Variants in PFKFB3 observed in about 807,000 individuals in gnomAD.
PFKFB3 encodes 6-phosphofructo-2-kinase/fructose-2,6-biphosphatase 3, also known as 6-phosphofructo-2-kinase/fructose-2,6-bisphosphatase 3.
In PFKFB3, 33 loss-of-function variants were observed where a neutral mutation model predicts 68.0. That is an observed-to-expected ratio of 0.49 (90% CI 0.37 to 0.65). The LOEUF (loss-of-function observed/expected upper bound fraction) is 0.65. PFKFB3 is among the 30% of genes least tolerant of loss of function. The pLI, the probability that PFKFB3 is intolerant of heterozygous loss-of-function variation, is 0.00. For synonymous variants in PFKFB3, 315 were observed against 288.2 expected (o/e 1.09, Z -0.94); for missense variants, 586 against 712.2 (o/e 0.82, Z 2.02).
At chr10:6,254,463 G>C (rs1016436558) in exon 15 of PFKFB3, 1 of 397,930 alleles carries the variant, frequency 2.5e-6, no homozygotes, top group Non-Finnish European at 4.4e-6. Context: ...TCCCAGGTCA[G>C]TGTCAGTTGT....
chr10:6,226,821 C>T (rs944128049), intron 14 of PFKFB3, among the ~76,000 whole-genome samples: 1 of 152,252 alleles, frequency 6.6e-6, no homozygotes, highest in African/African-American at 2.4e-5. Context: ...CGCGGTGGCT[C>T]ACGCCTGTAA....
chr10:6,251,987 T>C (rs1365182640), intron 14 of PFKFB3, among the ~76,000 whole-genome samples: 1 of 151,036 alleles, frequency 6.6e-6, no homozygotes, highest in Non-Finnish European at 1.5e-5. Flanking sequence ...AATAAATAAA[T>C]AAAATAAAAT....
intron 14 of PFKFB3, among the ~76,000 whole-genome samples, chr10:6,244,834 A>C (rs898687657): frequency 6.6e-6 from 1 of 152,100 alleles, no homozygotes; most frequent in African/African-American, 2.4e-5. Context: ...TGAGAGGGAG[A>C]GTTCCTATTA....
chr10:6,185,163 T>C (rs1403599342), intron 1 of PFKFB3, among the ~76,000 whole-genome samples: 1 of 152,222 alleles, frequency 6.6e-6, no homozygotes, highest in African/African-American at 2.4e-5. Flanking sequence ...CTCTGTGGCC[T>C]TGAGACACAT....
intron 1 of PFKFB3, among the ~76,000 whole-genome samples, chr10:6,153,950 G>C (rs2131687226): frequency 6.6e-6 from 1 of 152,308 alleles, no homozygotes; most frequent in South Asian, 2.1e-4. Flanking sequence ...GACCAAGACT[G>C]AGGGGAGTGA....
chr10:6,314,891 T>A, the PFKFB3 span, among the ~76,000 whole-genome samples: 1 of 152,132 alleles, frequency 6.6e-6, no homozygotes, highest in African/African-American at 2.4e-5. Context: ...TTCTCTCCAC[T>A]CTGCATTTTT....
In PFKFB3 at chr10:6,180,064, C is replaced by T. The variant is rs1406980753; in HGVS notation, c.17-33559C>T. Among the ~76,000 whole-genome samples the T allele has an allele frequency of 2.0e-5, 3 of 151,990 alleles. No individual in the cohort carries two copies. The East Asian group carries it at 5.8e-4, about 29-fold the overall frequency. On this transcript the variant is annotated intron_variant, in intron 1 of 14. Transcript: ENST00000379789. ...ACCAGCTTTAAAAATGTGTGTGGGC[C>T]AGGCTCGGTGGCGCTCGCGTGTAAT...
At chr10:6,299,860 G>A in the PFKFB3 span, among the ~76,000 whole-genome samples, 1 of 151,202 alleles carries the variant, frequency 6.6e-6, no homozygotes, top group African/African-American at 2.4e-5. Flanking sequence ...TTAGCCCCTG[G>A]TTTGGAGCTC....
At chr10:6,165,770 C>G (rs577392422) in intron 1 of PFKFB3, among the ~76,000 whole-genome samples, 1 of 151,956 alleles carries the variant, frequency 6.6e-6, no homozygotes, top group Non-Finnish European at 1.5e-5. Flanking sequence ...ATTTCATCAC[C>G]TAGGTATAAG....
rs186673830 is a variant in PFKFB3 at position 6,254,321 on chromosome 10, A to C, written c.1659A>C (p.Arg553Ser). The change falls in exon 15 of 15, where the codon AGA becomes AGC. Residue 553 changes from arginine (R) to serine (S), a missense_variant. Arg to Ser is a moderately radical substitution (Grantham distance 110, BLOSUM62 -1). Coordinates refer to the PFKFB3 transcript ENST00000640683. The stretch of plus-strand genomic sequence containing the variant: ...CTGCACCAAGCATCCCGGAGCCCAG[A>C]CTGGTCTCGCTTCCTCACCTTTCTG... 407 of 398,578 alleles carry C rather than the reference A, an allele frequency of 1.0e-3. 4 individuals carry two copies. Among genetic ancestry groups the C allele is most frequent in the South Asian group, 1.1e-3 (9 of 7,860 alleles). The allele number at this position is 398,578 out of a possible 1,614,324, so 24.7% of individuals were successfully genotyped here.
chr10:6,302,373 T>A, the PFKFB3 span, among the ~76,000 whole-genome samples: 18 of 83,086 alleles, frequency 2.2e-4, no homozygotes, highest in African/African-American at 6.7e-4. Context: ...TTTTTTTTTT[T>A]TTTTTTTTTT....
chr10:6,320,851 T>G, the PFKFB3 span, among the ~76,000 whole-genome samples: 1 of 152,144 alleles, frequency 6.6e-6, no homozygotes, highest in Non-Finnish European at 1.5e-5. Flanking sequence ...GTTCCCTCAT[T>G]TGTGCCTGAC....
chr10:6,220,893 TTCTGGCTGTAGG>T lies in PFKFB3; in HGVS notation c.831+29_831+40del. Reference sequence around the variant, plus strand: ...GCGGGGTGTGCTGCCGCATGGGCCGTTCTGGCTGTAGGGCGGTTGCAGGGTCTATAGGGTGGG... The same window carrying T: ...GCGGGGTGTGCTGCCGCATGGGCCGTGCGGTTGCAGGGTCTATAGGGTGGG... On this transcript the variant is annotated intron_variant, in intron 8 of 14. Coordinates refer to ENST00000379775, the MANE Select transcript of PFKFB3 (RefSeq NM_004566.4). This position sits in a 1 kb window ranked among gnomAD's most constrained non-coding sequence, Gnocchi z 4.1. 1 of 1,603,772 alleles carries T rather than the reference TTCTGGCTGTAGG, an allele frequency of 6.2e-7. No homozygotes were observed. Among genetic ancestry groups the T allele is most frequent in the South Asian group, 1.1e-5 (1 of 90,980 alleles).
chr10:6,259,196 C>CACCCATCT (rs1846516948), downstream of PFKFB3, among the ~76,000 whole-genome samples: 1 of 135,018 alleles, frequency 7.4e-6, no homozygotes, highest in African/African-American at 2.7e-5. Context: ...TCCATCCATC[C>CACCCATCT]ATCCATCCAT....
chr10:6,272,846 T>A, the PFKFB3 span, among the ~76,000 whole-genome samples: 5 of 152,250 alleles, frequency 3.3e-5, no homozygotes, highest in South Asian at 6.2e-4. Flanking sequence ...CAGGGTCAGA[T>A]GGAGGAGGCA....
At chr10:6,302,749 T>TACAAACACACAC in the PFKFB3 span, among the ~76,000 whole-genome samples, 1 of 145,736 alleles carries the variant, frequency 6.9e-6, no homozygotes, top group East Asian at 2.0e-4. Context: ...TGTGTGTGTA[T>TACAAACACACAC]ACACACACAC....
intron 1 of PFKFB3, among the ~76,000 whole-genome samples, chr10:6,180,909 G>A (rs1484768746): frequency 1.3e-5 from 2 of 152,206 alleles, no homozygotes; most frequent in African/African-American, 4.8e-5. Context: ...AAACTAAGAT[G>A]TATCCTGATC....
At chr10:6,182,615 G>A (rs913716111) in intron 1 of PFKFB3, among the ~76,000 whole-genome samples, 1 of 152,206 alleles carries the variant, frequency 6.6e-6, no homozygotes, top group African/African-American at 2.4e-5. Context: ...GGAGTGCCGG[G>A]ATGTGGCCTC....
chr10:6,322,107 C>T, the PFKFB3 span, among the ~76,000 whole-genome samples: 3 of 152,154 alleles, frequency 2.0e-5, no homozygotes, highest in Non-Finnish European at 1.5e-5. Context: ...GACTCACAGG[C>T]GACTCAAACG....
Sources: gnomAD v4.1 joint callset for allele counts (sites outside exome capture counted in the v4.1 genomes callset) on GRCh38, gnomAD v4.1.1 for gene constraint, Gnocchi (gnomAD v3.1) non-coding constraint, MANE v1.5 for transcripts, NCBI Gene and HGNC (gene_info 2026-07-23, HGNC 2026-07-21) for gene names.